PATE2: variants seen among roughly 807,000 people sequenced by gnomAD.
PATE2 encodes the protein prostate and testis expressed 2, also known as prostate and testis expressed protein 2.
Under a neutral mutation model 10.5 loss-of-function variants are expected in PATE2, and 7 were observed. That is an observed-to-expected ratio of 0.66 (90% CI 0.38 to 1.25). The LOEUF (loss-of-function observed/expected upper bound fraction) is 1.25, where lower values mean the gene tolerates loss of function less well. PATE2 is among the 50% of genes most tolerant of loss of function. The probability of loss-of-function intolerance (pLI) is 0.02; values close to 1 mark genes in which losing one functional copy is unlikely to be tolerated. For synonymous variants in PATE2, 44 were observed against 46.9 expected (o/e 0.94, Z 0.25); for missense variants, 133 against 135.4 (o/e 0.98, Z 0.09).
chr11:125,778,628 T>G, intron 1 of PATE2, 53 bp from the exon 2 acceptor site: 1 of 1,611,548 alleles, frequency 6.2e-7, no homozygotes, highest in Non-Finnish European at 8.5e-7. Flanking sequence ...CATCTGCCAC[T>G]GCCCCAAGAG....
chr11:125,778,491 G>T, intron 2 of PATE2, 61 bp downstream of exon 2: 3 of 1,547,054 alleles, frequency 1.9e-6, no homozygotes, highest in South Asian at 1.1e-5. Flanking sequence ...GGAAAGGTTT[G>T]CTCCTAAACA....
rs1943482018 is a variant in PATE2 at position 125,776,180 on chromosome 11, T to C, written c.*1202A>G. 1 of 152,176 alleles carries C rather than the reference T, an allele frequency of 6.6e-6. No homozygotes were observed. The highest frequency in any genetic ancestry group is 1.5e-5 in the Non-Finnish European group (1 of 68,038). The allele number at this position is 152,176 out of a possible 1,614,324, so 9.4% of individuals were successfully genotyped here. A position where few individuals can be genotyped will look rare whatever the true frequency, so the allele number is the denominator to read the frequency against. On this transcript the variant is annotated 3_prime_UTR_variant, in exon 4 of 4. Coordinates refer to ENST00000358524, the MANE Select transcript of PATE2 (RefSeq NM_212555.3). Reference sequence around the variant, plus strand: ...ATTTTTCTGGCCTTTATTTATTTATTTATTTTTTTATTTTACTTTAAGTTC... The same window carrying C: ...ATTTTTCTGGCCTTTATTTATTTATCTATTTTTTTATTTTACTTTAAGTTC...
Position 125,777,304 on chromosome 11 carries a change from G to T in PATE2, c.*78C>A. On this transcript the variant is annotated 3_prime_UTR_variant, in exon 4 of 4. Transcript: ENST00000358524. The stretch of plus-strand genomic sequence containing the variant: ...CTCTCTACCAATGCATAGAAGAGGA[G>T]AGCAAAATTCAGGTTCAGGGAAGAG... 1.3e-6 allele frequency: 2 copies of T among 1,525,996 alleles called. No individual in the cohort carries two copies. Among genetic ancestry groups the T allele is most frequent in the South Asian group, 2.4e-5 (2 of 83,588 alleles). 94.5% of individuals were successfully genotyped at this position (1,525,996 alleles called of 1,614,324 possible). A position where few individuals can be genotyped will look rare whatever the true frequency, so the allele number is the denominator to read the frequency against.
At chr11:125,777,847 T>C in intron 3 of PATE2, 27 bp downstream of exon 3, 2 of 1,609,908 alleles carry the variant, frequency 1.2e-6, no homozygotes, top group South Asian at 2.2e-5. Context: ...GGTGGTGATT[T>C]TCCAGTCACT....
At chr11:125,778,468 C>T in intron 2 of PATE2, 84 bp downstream of exon 2, 1 of 1,438,000 alleles carries the variant, frequency 7.0e-7, no homozygotes, top group Non-Finnish European at 9.8e-7. Flanking sequence ...TTACAGGCCT[C>T]TCTGAAGATG....
rs1010387350 is a variant in PATE2 at position 125,776,247 on chromosome 11, T to C, written c.*1135A>G. ...AAGTGCAGCATGCAGGTTTGTTACA[T>C]AGGTATACATGTGCCATGGTGGTTT... On this transcript the variant is annotated 3_prime_UTR_variant, in exon 4 of 4. Transcript: ENST00000358524. 1 of 152,180 alleles carries C rather than the reference T, an allele frequency of 6.6e-6. No homozygotes were observed. Among genetic ancestry groups the C allele is most frequent in the African/African-American group, 2.4e-5 (1 of 41,446 alleles). 9.4% of individuals were successfully genotyped at this position (152,180 alleles called of 1,614,324 possible).
At chr11:125,778,094 A>T in intron 2 of PATE2, 92 bp from the exon 3 acceptor site, 1 of 1,394,088 alleles carries the variant, frequency 7.2e-7, no homozygotes, top group Non-Finnish European at 9.8e-7. Flanking sequence ...ATTCTTGCCT[A>T]GTGGTTCCTA....
rs1001056678 is a variant in PATE2, at chr11:125,776,269, G to T, written c.*1113C>A. On this transcript the variant is annotated 3_prime_UTR_variant, in exon 4 of 4. Coordinates refer to ENST00000358524, the MANE Select transcript of PATE2 (RefSeq NM_212555.3). ...ACATAGGTATACATGTGCCATGGTG[G>T]TTTGCTGCACCCATCAACCCGTCAT... The T allele has an allele frequency of 6.6e-6, 1 of 152,060 alleles. No homozygotes were observed. Among genetic ancestry groups the T allele is most frequent in the African/African-American group, 2.4e-5 (1 of 41,396 alleles). 9.4% of individuals were successfully genotyped at this position (152,060 alleles called of 1,614,324 possible).
In PATE2 at chr11:125,776,129, C is replaced by A. The variant is rs1943481758; in HGVS notation, c.*1253G>T. 2 of 152,164 alleles carry A rather than the reference C, an allele frequency of 1.3e-5. No individual in the cohort carries two copies. Among genetic ancestry groups the A allele is most frequent in the South Asian group, 2.1e-4 (1 of 4,816 alleles). 9.4% of individuals were successfully genotyped at this position (152,164 alleles called of 1,614,324 possible). On this transcript the variant is annotated 3_prime_UTR_variant, in exon 4 of 4. Coordinates refer to ENST00000358524, the MANE Select transcript of PATE2 (RefSeq NM_212555.3). Reference sequence around the variant, plus strand: ...ATATGCTCATTTACTATCTGTATATCTTTTTCTATTCAGATTTTTTGGCCA... The same window carrying A: ...ATATGCTCATTTACTATCTGTATATATTTTTCTATTCAGATTTTTTGGCCA...
rs1262797296 is a variant in PATE2, at chr11:125,777,902, A to T, written c.177T>A (p.Val59=). The stretch of plus-strand genomic sequence containing the variant: ...TCCTTGTAAGGATGTAAAAGTTCTC[A>T]ACTGCACAGGACTGTTTATGCTTCA... ...CSLKHKQSCA[V]ENFYILTRKG... is the part of the protein sequence containing the mutation. Residue 59 remains valine (V), a synonymous_variant, in exon 3 of 4, where the codon GTT becomes GTA. Transcript: ENST00000358524. The T allele has an allele frequency of 6.2e-7, 1 of 1,613,312 alleles. No individual in the cohort carries two copies. Among genetic ancestry groups the T allele is most frequent in the Admixed American group, 1.7e-5 (1 of 59,888 alleles).
chr11:125,777,305 A>G lies in PATE2; in HGVS notation c.*77T>C. On this transcript the variant is annotated 3_prime_UTR_variant, in exon 4 of 4. Coordinates refer to ENST00000358524, the MANE Select transcript of PATE2 (RefSeq NM_212555.3). Reference sequence around the variant, plus strand: ...TCTCTACCAATGCATAGAAGAGGAGAGCAAAATTCAGGTTCAGGGAAGAGA... The same window carrying G: ...TCTCTACCAATGCATAGAAGAGGAGGGCAAAATTCAGGTTCAGGGAAGAGA... 1 of 1,527,808 alleles carries G rather than the reference A, an allele frequency of 6.5e-7. No individual in the cohort carries two copies. Among genetic ancestry groups the G allele is most frequent in the Non-Finnish European group, 9.0e-7 (1 of 1,115,746 alleles). 94.6% of individuals were successfully genotyped at this position (1,527,808 alleles called of 1,614,324 possible). A position where few individuals can be genotyped will look rare whatever the true frequency, so the allele number is the denominator to read the frequency against.
intron 2 of PATE2, among the ~76,000 whole-genome samples, chr11:125,778,289 A>G (rs953447188): frequency 1.3e-5 from 2 of 152,180 alleles, no homozygotes; most frequent in African/African-American, 2.4e-5. Context: ...CAGGGTTCCC[A>G]TGAAATTTAT....
chr11:125,778,074 A>G (rs1943504167), intron 2 of PATE2, 72 bp from the exon 3 acceptor site: 2 of 1,527,492 alleles, frequency 1.3e-6, no homozygotes. Context: ...GGGCTTCACT[A>G]CAGGACCTTA....
intron 1 of PATE2, 55 bp downstream of exon 1, chr11:125,778,667 G>A (rs2134176873): frequency 1.9e-6 from 3 of 1,611,894 alleles, no homozygotes; most frequent in Non-Finnish European, 2.5e-6. Flanking sequence ...TCTTCCCCCA[G>A]CATCTGTCCG....
At position 125,776,828 on chromosome 11, in the gene PATE2, G is replaced by GT. The variant is rs10715276; in HGVS notation, c.*553dup. 5.3e-5 allele frequency: 8 copies of GT among 150,086 alleles called. No homozygotes were observed. The highest frequency in any genetic ancestry group is 8.9e-5 in the Non-Finnish European group (6 of 67,452). 9.3% of individuals were successfully genotyped at this position (150,086 alleles called of 1,614,324 possible). ...TGATGCTCATCCCTATGTCTGTTCA[G>GT]TTTTTTTTTTTCTGCCCTGAGGTTC... On this transcript the variant is annotated 3_prime_UTR_variant, in exon 4 of 4. Coordinates refer to ENST00000358524, the MANE Select transcript of PATE2 (RefSeq NM_212555.3).
chr11:125,777,035 A>T lies in PATE2; in HGVS notation c.*347T>A. The T allele has an allele frequency of 2.0e-5, 4 of 204,554 alleles. No individual in the cohort carries two copies. The highest frequency in any genetic ancestry group is 1.9e-3 in the Middle Eastern group (1 of 520). The allele number at this position is 204,554 out of a possible 1,614,324, so 12.7% of individuals were successfully genotyped here. On this transcript the variant is annotated 3_prime_UTR_variant, in exon 4 of 4. Transcript: ENST00000358524. ...AGATGAGGATAGAGGATAGTCACAG[A>T]ATTCTCAGTACAAATTGGAGATTAT...
rs1313402464 is a variant in PATE2 at position 125,777,493 on chromosome 11, T to C, written c.231A>G (p.Lys77=). The change falls in exon 4 of 4, where the codon AAA becomes AAG. Residue 77 remains lysine (K), a synonymous_variant. Transcript: ENST00000358524. Reference sequence around the variant, plus strand: ...CCTCACAGCTGGTCATACACGACAGTTTTGAATAATGATACATGCTCTGCC... The same window carrying C: ...CCTCACAGCTGGTCATACACGACAGCTTTGAATAATGATACATGCTCTGCC... The part of the protein sequence containing the change: ...RKGQSMYHYS[K]LSCMTSCEDI... 2 of 1,613,662 alleles carry C rather than the reference T, an allele frequency of 1.2e-6. No individual in the cohort carries two copies. Among genetic ancestry groups the C allele is most frequent in the Non-Finnish European group, 1.7e-6 (2 of 1,179,754 alleles).
chr11:125,777,858 C>G lies in PATE2; in HGVS notation c.205+16G>C, dbSNP rs1363879969. Reference sequence around the variant, plus strand: ...TGGTGGTGGTGATTTTCCAGTCACTCTATACTCCACATTACCTTTCCTTGT... The same window carrying G: ...TGGTGGTGGTGATTTTCCAGTCACTGTATACTCCACATTACCTTTCCTTGT... On this transcript the variant is annotated intron_variant, in intron 3 of 3. Transcript: ENST00000358524. The G allele has an allele frequency of 1.9e-6, 3 of 1,612,162 alleles. No individual in the cohort carries two copies. The highest frequency in any genetic ancestry group is 1.1e-5 in the South Asian group (1 of 90,836).
chr11:125,777,665 G>T, intron 3 of PATE2, 147 bp from the exon 4 acceptor site: 2 of 1,199,932 alleles, frequency 1.7e-6, no homozygotes, highest in Non-Finnish European at 2.3e-6. Flanking sequence ...TGCTGACCCA[G>T]AGAGTAGATT....
Sources: gnomAD v4.1 joint callset for allele counts (sites outside exome capture counted in the v4.1 genomes callset) on GRCh38, gnomAD v4.1.1 for gene constraint, MANE v1.5 for transcripts, NCBI Gene and HGNC (gene_info 2026-07-23, HGNC 2026-07-21) for gene names.